Variants in RNF34 observed in about 807,000 individuals in gnomAD.
The protein encoded by RNF34 is ring finger protein 34.
Under a neutral mutation model 37.9 loss-of-function variants are expected in RNF34, and 12 were observed. That is an observed-to-expected ratio of 0.32 (90% CI 0.20 to 0.51). The LOEUF is 0.51. Among genes scored for constraint, RNF34 ranks in the 20% least tolerant of loss-of-function variants. The pLI is 0.97. For missense variants in RNF34, 362 were observed against 472.7 expected, an observed-to-expected ratio of 0.77 and a Z score of 2.17; for synonymous variants, 155 against 177.2, an observed-to-expected ratio of 0.87 and a Z score of 1.00.
intron 1 of RNF34, among the ~76,000 whole-genome samples, chr12:121,408,262 G>A (rs1380774532): frequency 6.6e-6 from 1 of 152,056 alleles, no homozygotes; most frequent in African/African-American, 2.4e-5. Context: ...CCAACATGGT[G>A]AAACCCCGTC....
chr12:121,421,373 A>C (rs76518376), intron 5 of RNF34, among the ~76,000 whole-genome samples: 7,763 of 104,192 alleles, frequency 0.075, 300 homozygotes, highest in African/African-American at 0.23. Flanking sequence ...CCCATCTCTA[A>C]AAAAAAAAAA....
chr12:121,404,387 CTTTT>C (rs782225104), intron 1 of RNF34, among the ~76,000 whole-genome samples: 2 of 65,848 alleles, frequency 3.0e-5, no homozygotes, highest in African/African-American at 7.4e-5. Context: ...GTCATTTAAT[CTTTT>C]TTTTTTTTTT....
At chr12:121,404,601 G>C (rs1870343658) in intron 1 of RNF34, among the ~76,000 whole-genome samples, 1 of 151,740 alleles carries the variant, frequency 6.6e-6, no homozygotes, top group Non-Finnish European at 1.5e-5. Flanking sequence ...ATCTTGGCTA[G>C]GCTGGTCTTG....
intron 1 of RNF34, chr12:121,409,439 A>C (rs1437090388): frequency 2.0e-5 from 3 of 152,268 alleles, no homozygotes; most frequent in African/African-American, 7.2e-5. Context: ...CAAAGTAACC[A>C]CAGCCCTTTC....
chr12:121,423,602 C>A lies in RNF34; in HGVS notation c.*26C>A. On this transcript the variant is annotated 3_prime_UTR_variant, in exon 6 of 6. Transcript: ENST00000361234. The surrounding 1 kb of genome is among the most constrained non-coding windows in gnomAD (Gnocchi z 4.3). ...AACAGGCTCCCCTCACCAGGACAGTCACCCCCAAACTTGACCCCCAACATT... is the reference window on the plus strand; with the variant it reads ...AACAGGCTCCCCTCACCAGGACAGTAACCCCCAAACTTGACCCCCAACATT... The A allele has an allele frequency of 6.3e-7, 1 of 1,597,364 alleles. No individual in the cohort carries two copies. The highest frequency in any genetic ancestry group is 8.6e-7 in the Non-Finnish European group (1 of 1,168,122).
At chr12:121,403,899 T>C (rs1555280331) in intron 1 of RNF34, among the ~76,000 whole-genome samples, 1 of 150,898 alleles carries the variant, frequency 6.6e-6, no homozygotes, top group Non-Finnish European at 1.5e-5. Context: ...TGTAGTAACA[T>C]ATTAGAGTTT....
intron 5 of RNF34, 75 bp downstream of exon 5, chr12:121,420,853 A>G (rs1249495456): frequency 6.5e-5 from 69 of 1,056,216 alleles, no homozygotes; most frequent in African/African-American, 3.5e-4. Context: ...TTTTGTCACA[A>G]TTAAGTCAAA....
intron 1 of RNF34, among the ~76,000 whole-genome samples, chr12:121,408,238 C>G (rs1555280903): frequency 6.6e-6 from 1 of 152,020 alleles, no homozygotes; most frequent in Non-Finnish European, 1.5e-5. Context: ...GTCAGGAGTT[C>G]GAGACCAGCC....
rs528021951 is a variant in RNF34 at position 121,411,721 on chromosome 12, G to A, written c.7-4438G>A. ...AGTTACTTGTCAGTCATACCATGGT[G>A]GAAAGAGGAGCAGGAGAAAAAGAAG... On this transcript the variant is annotated intron_variant, in intron 1 of 5. Transcript: ENST00000361234. Among the ~76,000 whole-genome samples the A allele has an allele frequency of 1.9e-4, 29 of 152,256 alleles. No homozygotes were observed. In the South Asian group the frequency reaches 5.6e-3, roughly 29 times the overall value.
chr12:121,420,247 A>T lies in RNF34; in HGVS notation c.639A>T (p.Gln213His), dbSNP rs138199363. Residue 213 changes from glutamine (Q) to histidine (H), a missense_variant, in exon 4 of 6, where the codon CAA becomes CAT. Coordinates refer to ENST00000361234, the MANE Select transcript of RNF34 (RefSeq NM_025126.4). ...TSRSGVPAQV[Q>H]SEITSANTED... ...GATACGTTGTATAAGTGTAGGTACA[A>T]AGTGAAATCACTTCAGCAAACACAG... 4 of 1,608,906 alleles carry T rather than the reference A, an allele frequency of 2.5e-6. No homozygotes were observed. The Admixed American group carries it at 6.7e-5, about 27-fold the overall frequency.
intron 5 of RNF34, among the ~76,000 whole-genome samples, chr12:121,421,453 T>TG (rs1253766555): frequency 7.1e-6 from 1 of 141,284 alleles, no homozygotes; most frequent in Non-Finnish European, 1.5e-5. Context: ...CTTGGGAGGC[T>TG]GAGGGGGGAG....
intron 4 of RNF34, 71 bp downstream of exon 4, chr12:121,420,405 A>T (rs3751135): frequency 0.12 from 193,608 of 1,550,358 alleles, 16,672 homozygotes; most frequent in African/African-American, 0.42. Flanking sequence ...CCCTGTGGAC[A>T]TTCGCTAGAT....
intron 1 of RNF34, among the ~76,000 whole-genome samples, chr12:121,409,124 C>T (rs868937089): frequency 4.6e-5 from 7 of 152,088 alleles, no homozygotes; most frequent in Middle Eastern, 3.2e-3. Context: ...GGACCACAGG[C>T]GTGCACCACC....
At chr12:121,418,767 C>T (rs1555282744) in intron 3 of RNF34, 1 of 152,108 alleles carries the variant, frequency 6.6e-6, no homozygotes, top group Admixed American at 6.5e-5. Flanking sequence ...GTTGCCCAGG[C>T]TAGAGTGAAG....
At chr12:121,422,114 AACG>A (rs1444538870) in intron 5 of RNF34, among the ~76,000 whole-genome samples, 1 of 152,216 alleles carries the variant, frequency 6.6e-6, no homozygotes, top group African/African-American at 2.4e-5. Flanking sequence ...TACAGTGCAC[AACG>A]ATAATGCCAT....
chr12:121,402,436 G>A (rs57206363), intron 1 of RNF34, among the ~76,000 whole-genome samples: 2 of 151,372 alleles, frequency 1.3e-5, no homozygotes, highest in African/African-American at 4.9e-5. Context: ...TCCCTTTGGC[G>A]TTTTGGTTTG....
At chr12:121,405,328 C>T (rs1272069856) in intron 1 of RNF34, among the ~76,000 whole-genome samples, 1 of 152,156 alleles carries the variant, frequency 6.6e-6, no homozygotes, top group Admixed American at 6.6e-5. Context: ...CATTTGTCTT[C>T]CTGTAGTGAA....
Position 121,417,588 on chromosome 12 carries a change from T to G in RNF34, c.310T>G (p.Leu104Val). 9 of 1,614,196 alleles carry G rather than the reference T, an allele frequency of 5.6e-6. No individual in the cohort carries two copies. The highest frequency in any genetic ancestry group is 7.6e-6 in the Non-Finnish European group (9 of 1,180,006). The part of the protein sequence containing the change: ...ENLRRCSTCH[L>V]LQETAFQRPQ... Reference sequence around the variant, plus strand: ...TCTCCGTAGATGTTCTACTTGTCACTTATTACAAGAGACAGCATTTCAGCG... The same window carrying G: ...TCTCCGTAGATGTTCTACTTGTCACGTATTACAAGAGACAGCATTTCAGCG... Residue 104 changes from leucine to valine, a missense_variant, in exon 3 of 6, where the codon TTA becomes GTA. Leu to Val is a conservative substitution (Grantham distance 32). Coordinates refer to ENST00000361234, the MANE Select transcript of RNF34 (RefSeq NM_025126.4). The surrounding 1 kb of genome is among the most constrained non-coding windows in gnomAD (Gnocchi z 5.0).
At chr12:121,408,009 A>G (rs1222318010) in intron 1 of RNF34, among the ~76,000 whole-genome samples, 2 of 152,176 alleles carry the variant, frequency 1.3e-5, no homozygotes, top group African/African-American at 4.8e-5. Flanking sequence ...CTGTCAAGTC[A>G]TAACAGAAAA....
Sources: gnomAD v4.1 joint callset for allele counts (sites outside exome capture counted in the v4.1 genomes callset) on GRCh38, gnomAD v4.1.1 for gene constraint, Gnocchi (gnomAD v3.1) non-coding constraint, MANE v1.5 for transcripts, NCBI Gene and HGNC (gene_info 2026-07-23, HGNC 2026-07-21) for gene names.